CLNK: variants seen among roughly 807,000 people sequenced by gnomAD.
The protein encoded by CLNK is cytokine dependent hematopoietic cell linker.
CLNK carries 74 observed loss-of-function variants against 68.6 expected under a neutral mutation model. That is an observed-to-expected ratio of 1.08 (90% CI 0.89 to 1.31). The LOEUF (loss-of-function observed/expected upper bound fraction) is 1.31, where lower values mean the gene tolerates loss of function less well. CLNK is among the 50% of genes most tolerant of loss of function. The probability of loss-of-function intolerance (pLI) is 0.00; values close to 1 mark genes in which losing one functional copy is unlikely to be tolerated. For missense variants in CLNK, 553 were observed against 515.3 expected, an observed-to-expected ratio of 1.07 and a Z score of -0.71; for synonymous variants, 198 against 172.2, an observed-to-expected ratio of 1.15 and a Z score of -1.17.
At position 10,493,233 on chromosome 4, in the gene CLNK, G is replaced by A. The variant is rs112069532; in HGVS notation, c.1141-2620C>T. 1.0e-3 allele frequency among the ~76,000 whole-genome samples: 156 copies of A among 152,278 alleles called. 1 individual carries two copies. Among genetic ancestry groups the A allele is most frequent in the African/African-American group, 3.6e-3 (151 of 41,552 alleles). On this transcript the variant is annotated intron_variant, in intron 18 of 18. Transcript: ENST00000226951. ...CTTGGGAGGCTGAGGCAGGAGAATC[G>A]CTTGAACCTGGGAGGCGGAGGTTGC... is the stretch of plus-strand genomic sequence containing the variant.
intron 15 of CLNK, among the ~76,000 whole-genome samples, chr4:10,519,821 CTGTG>C (rs758512486): frequency 2.0e-5 from 3 of 149,316 alleles, no homozygotes; most frequent in Non-Finnish European, 4.5e-5. Flanking sequence ...AGGCAGAGGG[CTGTG>C]TGTGTGTGTG....
chr4:10,686,552 G>A (rs1560279572), upstream of CLNK, among the ~76,000 whole-genome samples: 1 of 150,918 alleles, frequency 6.6e-6, no homozygotes, highest in South Asian at 2.1e-4. Context: ...CCATGTACAC[G>A]GTGGGTTTGG....
chr4:10,544,487 T>C (rs1012726646), intron 8 of CLNK, among the ~76,000 whole-genome samples: 1 of 152,152 alleles, frequency 6.6e-6, no homozygotes, highest in African/African-American at 2.4e-5. Context: ...TCATGGGTGA[T>C]GACAAGCACT....
intron 2 of CLNK, among the ~76,000 whole-genome samples, chr4:10,618,844 C>A (rs1160350479): frequency 3.3e-5 from 5 of 152,210 alleles, no homozygotes; most frequent in African/African-American, 1.2e-4. Context: ...ATGGTGCTAA[C>A]TCATTCGTGA....
At chr4:10,531,138 A>G (rs1342989555) in intron 12 of CLNK, among the ~76,000 whole-genome samples, 1 of 152,230 alleles carries the variant, frequency 6.6e-6, no homozygotes, top group Non-Finnish European at 1.5e-5. Flanking sequence ...AAACACAAAG[A>G]CAAGAACAAA....
chr4:10,538,756 C>T (rs1718901070), intron 11 of CLNK, among the ~76,000 whole-genome samples: 1 of 152,182 alleles, frequency 6.6e-6, no homozygotes, highest in Non-Finnish European at 1.5e-5. Flanking sequence ...TGAAATGAGT[C>T]AGTTCCTCTT....
the CLNK span, among the ~76,000 whole-genome samples, chr4:10,722,259 G>A: frequency 1.3e-5 from 2 of 152,138 alleles, no homozygotes; most frequent in Non-Finnish European, 2.9e-5. Context: ...GATGTACCAA[G>A]TCACAGATTC....
chr4:10,509,832 TC>T (rs1354768468), intron 16 of CLNK, among the ~76,000 whole-genome samples: 1 of 152,094 alleles, frequency 6.6e-6, no homozygotes, highest in Non-Finnish European at 1.5e-5. Context: ...GGCCAAAAAG[TC>T]ACCTCTTATT....
the CLNK span, among the ~76,000 whole-genome samples, chr4:10,702,357 T>G: frequency 6.8e-6 from 1 of 146,484 alleles, no homozygotes; most frequent in African/African-American, 2.5e-5. Flanking sequence ...AAGAGGAGAG[T>G]GCTGAGGACT....
chr4:10,643,328 G>A (rs769709104), intron 2 of CLNK, among the ~76,000 whole-genome samples: 2 of 152,202 alleles, frequency 1.3e-5, no homozygotes, highest in Non-Finnish European at 2.9e-5. Flanking sequence ...AATGTCTCTT[G>A]GATGTCTACT....
chr4:10,581,558 G>GC (rs1411992679), intron 4 of CLNK, among the ~76,000 whole-genome samples: 2 of 152,144 alleles, frequency 1.3e-5, no homozygotes. Context: ...TAAGTAGGTG[G>GC]CCCTTGGAAG....
At position 10,487,243 on chromosome 4, in the gene CLNK, T is replaced by G. The variant is rs189517684; in HGVS notation, c.*3224A>C. 6 of 152,292 alleles carry G rather than the reference T, an allele frequency of 3.9e-5. No homozygotes were observed. The East Asian group carries it at 1.2e-3, about 29-fold the overall frequency. The allele number at this position is 152,292 out of a possible 1,614,324, so 9.4% of individuals were successfully genotyped here. A position where few individuals can be genotyped will look rare whatever the true frequency, so the allele number is the denominator to read the frequency against. ...TCAATTACAGATCTAATAAAGCAGG[T>G]AGACCATGAATAGGATAATTGCATA... On this transcript the variant is annotated 3_prime_UTR_variant, in exon 19 of 19. Transcript: ENST00000226951.
intron 2 of CLNK, among the ~76,000 whole-genome samples, chr4:10,661,899 A>G (rs61796838): frequency 0.11 from 16,821 of 152,158 alleles, 1,054 homozygotes; most frequent in East Asian, 0.23. Flanking sequence ...TTGCTAAGGA[A>G]ATTATAACCA....
intron 4 of CLNK, among the ~76,000 whole-genome samples, chr4:10,578,637 A>G (rs1054727397): frequency 1.8e-5 from 2 of 113,960 alleles, no homozygotes; most frequent in Non-Finnish European, 3.3e-5. Flanking sequence ...CCCAGGCTGG[A>G]GTGCAGTGGC....
intron 2 of CLNK, among the ~76,000 whole-genome samples, chr4:10,640,372 G>T (rs1025023383): frequency 3.9e-5 from 6 of 152,142 alleles, no homozygotes; most frequent in Admixed American, 3.9e-4. Flanking sequence ...CGCCATTTTG[G>T]CCAGGCTGGT....
intron 8 of CLNK, among the ~76,000 whole-genome samples, chr4:10,556,241 C>G (rs1306219557): frequency 6.6e-6 from 1 of 152,170 alleles, no homozygotes; most frequent in Non-Finnish European, 1.5e-5. Flanking sequence ...GAAATTCATA[C>G]CACATAAGGA....
intron 16 of CLNK, among the ~76,000 whole-genome samples, chr4:10,512,168 C>T (rs765810443): frequency 4.0e-5 from 6 of 151,022 alleles, no homozygotes; most frequent in Middle Eastern, 3.2e-3. Context: ...CCCATGTTTA[C>T]GAAGAAGATG....
chr4:10,594,312 C>G (rs1420303536), intron 3 of CLNK, among the ~76,000 whole-genome samples: 1 of 152,248 alleles, frequency 6.6e-6, no homozygotes, highest in African/African-American at 2.4e-5. Flanking sequence ...CTCCCTCCAC[C>G]CCACTCACTG....
At chr4:10,568,263 A>C (rs1720200982) in intron 5 of CLNK, among the ~76,000 whole-genome samples, 1 of 152,210 alleles carries the variant, frequency 6.6e-6, no homozygotes, top group South Asian at 2.1e-4. Context: ...TATTACGTTA[A>C]ATGAAAGAAG....
Sources: allele counts gnomAD v4.1 joint callset (sites outside exome capture counted in the v4.1 genomes callset), GRCh38; gene constraint gnomAD v4.1.1; transcripts MANE v1.5; gene names NCBI Gene and HGNC (gene_info 2026-07-23, HGNC 2026-07-21).